Variants in FAM114A2 observed in about 807,000 individuals in gnomAD.
FAM114A2 encodes protein FAM114A2.
In FAM114A2, 53 loss-of-function variants were observed where a neutral mutation model predicts 58.4. That is an observed-to-expected ratio of 0.91 (90% CI 0.73 to 1.14). FAM114A2 has a LOEUF of 1.14. Ranked by LOEUF, FAM114A2 falls within the 50% of genes most tolerant of loss-of-function variation. The pLI is 0.00. For missense variants in FAM114A2, 601 were observed against 581.1 expected, an observed-to-expected ratio of 1.03 and a Z score of -0.35; for synonymous variants, 228 against 211.4, an observed-to-expected ratio of 1.08 and a Z score of -0.68.
rs142478242 is a variant in FAM114A2, at chr5:154,028,841, T to C, written c.496-558A>G. Among the ~76,000 whole-genome samples the C allele has an allele frequency of 2.6e-3, 392 of 152,244 alleles. 2 individuals are homozygous for C. The highest frequency in any genetic ancestry group is 9.2e-3 in the African/African-American group (384 of 41,530). On this transcript the variant is annotated intron_variant, in intron 5 of 13. Transcript: ENST00000351797. ...GTGGAAGTCAGGATTATGGTTATCTTGGTGCAGGAGAGGGGGAGAGCAGAA... is the reference window on the plus strand; with the variant it reads ...GTGGAAGTCAGGATTATGGTTATCTCGGTGCAGGAGAGGGGGAGAGCAGAA...
intron 4 of FAM114A2, among the ~76,000 whole-genome samples, chr5:154,032,159 T>TC (rs1772246853): frequency 6.6e-6 from 1 of 152,190 alleles, no homozygotes. Flanking sequence ...TTTCTTTACT[T>TC]CCTCTTTCCC....
intron 9 of FAM114A2, among the ~76,000 whole-genome samples, chr5:154,007,572 CA>C (rs1163743549): frequency 1.4e-4 from 22 of 152,146 alleles, no homozygotes; most frequent in African/African-American, 5.3e-4. Flanking sequence ...AGATTGCTTT[CA>C]GAGAATGGCG....
At chr5:154,027,911 G>T (rs188123300) in intron 6 of FAM114A2, among the ~76,000 whole-genome samples, 32 of 152,248 alleles carry the variant, frequency 2.1e-4, no homozygotes, top group Non-Finnish European at 4.6e-4. Flanking sequence ...CCCTGACAGG[G>T]TTTAGCATTT....
At chr5:154,031,370 C>T (rs977226076) in intron 4 of FAM114A2, among the ~76,000 whole-genome samples, 3 of 138,306 alleles carry the variant, frequency 2.2e-5, no homozygotes, top group Admixed American at 7.5e-5. Context: ...CTTAACTGCC[C>T]GCCGACAAAA....
In FAM114A2 at chr5:154,011,309, AATCTTC is replaced by A. The variant is rs748838654; in HGVS notation, c.919_924del (p.Glu307_Asp308del). 53 of 1,612,042 alleles carry A rather than the reference AATCTTC, an allele frequency of 3.3e-5. No homozygotes were observed. Among genetic ancestry groups the A allele is most frequent in the Non-Finnish European group, 4.1e-5 (48 of 1,178,954 alleles). The stretch of plus-strand genomic sequence containing the variant: ...AACAGCTCTGTTATGTCCTTGGTAA[AATCTTC>A]ATCCCCTAAAAAACCAAGTCCCATA... On this transcript the variant is annotated inframe_deletion, in exon 9 of 14. Coordinates refer to ENST00000351797, the MANE Select transcript of FAM114A2 (RefSeq NM_018691.4).
At chr5:154,038,272 C>T (rs1436626923) in intron 1 of FAM114A2, 1 of 152,182 alleles carries the variant, frequency 6.6e-6, no homozygotes, top group African/African-American at 2.4e-5. Context: ...CGTATATATA[C>T]ACTCCACCCG....
At chr5:154,031,033 C>T (rs1772156422) in intron 4 of FAM114A2, among the ~76,000 whole-genome samples, 1 of 152,038 alleles carries the variant, frequency 6.6e-6, no homozygotes, top group African/African-American at 2.4e-5. Flanking sequence ...AAGTCTTGGC[C>T]AGACACAGCA....
In FAM114A2 at chr5:154,027,721, G is replaced by T. The variant is rs962917867; in HGVS notation, c.631-387C>A. 2.6e-5 allele frequency among the ~76,000 whole-genome samples: 4 copies of T among 152,212 alleles called. No homozygotes were observed. In the South Asian group the frequency reaches 8.3e-4, roughly 32 times the overall value. ...TCATCATGTTGGTCAGGTTGATCTT[G>T]TACTCCTGACCTCAACTGATTCACC... On this transcript the variant is annotated intron_variant, in intron 6 of 13. Transcript: ENST00000351797.
In FAM114A2 at chr5:153,991,487, G is replaced by A. The variant is rs901540830; in HGVS notation, c.*1489C>T. 2.0e-5 allele frequency: 3 copies of A among 152,128 alleles called. No homozygotes were observed. Among genetic ancestry groups the A allele is most frequent in the African/African-American group, 7.2e-5 (3 of 41,440 alleles). 9.4% of individuals were successfully genotyped at this position (152,128 alleles called of 1,614,324 possible). ...TTCAGAAATATTCAAGCTGGAAAGG[G>A]TGAAATTTGTCTTTAAAAAGGAATA... On this transcript the variant is annotated 3_prime_UTR_variant, in exon 14 of 14. Coordinates refer to ENST00000351797, the MANE Select transcript of FAM114A2 (RefSeq NM_018691.4).
chr5:153,999,581 C>T (rs141687303), intron 11 of FAM114A2, among the ~76,000 whole-genome samples: 241 of 149,928 alleles, frequency 1.6e-3, no homozygotes, highest in African/African-American at 5.6e-3. Context: ...TTGCAGTGAA[C>T]GAGATTGCGC....
intron 9 of FAM114A2, among the ~76,000 whole-genome samples, chr5:154,003,772 C>CTT (rs1235663381): frequency 6.6e-6 from 1 of 152,118 alleles, no homozygotes; most frequent in African/African-American, 2.4e-5. Flanking sequence ...TTGTGTCTGG[C>CTT]TTAAGCACAA....
Position 153,997,834 on chromosome 5 carries a change from T to TTA in FAM114A2, c.1296_1297dup (p.Lys433IlefsTer8), listed in dbSNP as rs773963599. The TTA allele has an allele frequency of 3.1e-6, 5 of 1,603,782 alleles. No individual in the cohort carries two copies. The Admixed American group carries it at 6.7e-5, about 21-fold the overall frequency. ...AGTTGTTAGGCAGGTAGTGAACTCT[T>TTA]TAGACAGAGAGGACAACTCTTTACA... On this transcript the variant is annotated frameshift_variant, in exon 12 of 14. Coordinates refer to ENST00000351797, the MANE Select transcript of FAM114A2 (RefSeq NM_018691.4). LOFTEE classifies it high-confidence loss of function.
chr5:154,006,796 ATTTTT>A (rs11318237), intron 9 of FAM114A2, among the ~76,000 whole-genome samples: 1 of 129,840 alleles, frequency 7.7e-6, no homozygotes, highest in Non-Finnish European at 1.7e-5. Flanking sequence ...CCCAAAGGAG[ATTTTT>A]TTTTTTTTTT....
chr5:153,997,661 T>C lies in FAM114A2; in HGVS notation c.1329+142A>G, dbSNP rs536048289. 42 of 601,276 alleles carry C rather than the reference T, an allele frequency of 7.0e-5. No individual in the cohort carries two copies. In the South Asian group the frequency reaches 8.6e-4, roughly 12 times the overall value. The allele number at this position is 601,276 out of a possible 1,614,324, so 37.2% of individuals were successfully genotyped here. A position where few individuals can be genotyped will look rare whatever the true frequency, so the allele number is the denominator to read the frequency against. On this transcript the variant is annotated intron_variant, in intron 12 of 13. Coordinates refer to ENST00000351797, the MANE Select transcript of FAM114A2 (RefSeq NM_018691.4). ...ATGAAAATGTTTTAAAATTAGACTA[T>C]GGAAATGGCCGCGCAACTCTGTAAA...
intron 6 of FAM114A2, 143 bp from the exon 7 acceptor site, chr5:154,027,477 G>A (rs931734156): frequency 1.8e-5 from 10 of 558,946 alleles, no homozygotes; most frequent in Non-Finnish European, 2.6e-5. Context: ...CAAATCTGGT[G>A]GGCTCAGGAG....
intron 9 of FAM114A2, 22 bp downstream of exon 9, chr5:154,011,219 T>G: frequency 6.5e-7 from 1 of 1,546,040 alleles, no homozygotes; most frequent in African/African-American, 1.4e-5. Context: ...ATAATGAAAA[T>G]CACCAAGAAG....
rs762622396 is a variant in FAM114A2 at position 154,028,207 on chromosome 5, C to T, written c.572G>A (p.Gly191Glu). The change falls in exon 6 of 14, where the codon GGG becomes GAG. Residue 191 changes from glycine (G) to glutamate (E), a missense_variant. Coordinates refer to ENST00000351797, the MANE Select transcript of FAM114A2 (RefSeq NM_018691.4). ...CTTGGTTCTTTTAAATCCAGGATCCCCTTCTGCTATCACATCCATTGTCTT... is the reference window on the plus strand; with the variant it reads ...CTTGGTTCTTTTAAATCCAGGATCCTCTTCTGCTATCACATCCATTGTCTT... ...GKKTMDVIAEGDPGFKRTKGL... is the reference protein window; with the variant it reads ...GKKTMDVIAEEDPGFKRTKGL... 2 of 1,611,856 alleles carry T rather than the reference C, an allele frequency of 1.2e-6. No individual in the cohort carries two copies. The highest frequency in any genetic ancestry group is 2.2e-5 in the East Asian group (1 of 44,862).
At chr5:154,030,701 T>C (rs918244009) in intron 4 of FAM114A2, among the ~76,000 whole-genome samples, 1 of 152,208 alleles carries the variant, frequency 6.6e-6, no homozygotes, top group African/African-American at 2.4e-5. Flanking sequence ...GGAAGCTACA[T>C]AGCTAAAAAG....
At chr5:153,993,786 CA>C (rs111496849) in intron 13 of FAM114A2, among the ~76,000 whole-genome samples, 3,667 of 148,036 alleles carry the variant, frequency 0.025, 93 homozygotes, top group African/African-American at 0.061. Flanking sequence ...AATCTGTATC[CA>C]AAAAAAAAAT....
Sources: allele counts gnomAD v4.1 joint callset (sites outside exome capture counted in the v4.1 genomes callset), GRCh38; gene constraint gnomAD v4.1.1; transcripts MANE v1.5; gene names NCBI Gene and HGNC (gene_info 2026-07-23, HGNC 2026-07-21).